The following REEP1 variants were observed in gnomAD, a reference collection of about 807,000 sequenced individuals.
REEP1 encodes receptor accessory protein 1, also known as receptor expression-enhancing protein 1.
In REEP1, 22 loss-of-function variants were observed where a neutral mutation model predicts 40.3. That is an observed-to-expected ratio of 0.55 (90% CI 0.39 to 0.78). REEP1 has a LOEUF of 0.78. Ranked by LOEUF, REEP1 falls within the 30% of genes least tolerant of loss-of-function variation. The pLI is 0.00. For missense variants in REEP1, 280 were observed against 361.1 expected (o/e 0.78, Z 1.82); for synonymous variants, 116 against 139.2 (o/e 0.83, Z 1.17).
intron 5 of REEP1, among the ~76,000 whole-genome samples, chr2:86,245,890 G>T (rs544435202): frequency 9.3e-5 from 14 of 151,058 alleles, no homozygotes; most frequent in Non-Finnish European, 1.3e-4. Flanking sequence ...TCAGCCTCCC[G>T]AGTAGCTGGG....
intron 7 of REEP1, among the ~76,000 whole-genome samples, chr2:86,226,075 T>TCATCACCACCACCACCAC (rs1674665387): frequency 5.4e-5 from 6 of 111,792 alleles, no homozygotes; most frequent in African/African-American, 1.9e-4. Context: ...CTCCAGGCTA[T>TCATCACCACCACCACCAC]CACCACCACC....
intron 5 of REEP1, among the ~76,000 whole-genome samples, chr2:86,236,314 C>G (rs1043678019): frequency 3.3e-5 from 5 of 152,160 alleles, no homozygotes; most frequent in Admixed American, 6.5e-5. Context: ...TTTCCACAAA[C>G]CCCATTCCAC....
At chr2:86,217,666 ATTT>A (rs10668934) in intron 8 of REEP1, among the ~76,000 whole-genome samples, 51,638 of 112,864 alleles carry the variant, frequency 0.46, 11,804 homozygotes, top group Non-Finnish European at 0.61. Flanking sequence ...GGGATTTCAG[ATTT>A]TTTTTTTTTT....
chr2:86,266,139 A>G (rs1287645682), intron 2 of REEP1, among the ~76,000 whole-genome samples: 3 of 152,262 alleles, frequency 2.0e-5, no homozygotes, highest in Non-Finnish European at 2.9e-5. Flanking sequence ...AAAGGTATCA[A>G]TACGTTTTGA....
intron 5 of REEP1, among the ~76,000 whole-genome samples, chr2:86,249,078 GCAAAAC>G (rs1406333283): frequency 6.6e-6 from 1 of 152,064 alleles, no homozygotes; most frequent in Non-Finnish European, 1.5e-5. Context: ...GGCCAACATG[GCAAAAC>G]CCAGTCTCTA....
At chr2:86,252,669 A>T (rs1186290237) in intron 4 of REEP1, among the ~76,000 whole-genome samples, 1 of 152,200 alleles carries the variant, frequency 6.6e-6, no homozygotes, top group Admixed American at 6.5e-5. Context: ...GCAGTTCTAA[A>T]ATTCTGTTAT....
At chr2:86,248,730 G>GT (rs1440906357) in intron 5 of REEP1, among the ~76,000 whole-genome samples, 2 of 152,124 alleles carry the variant, frequency 1.3e-5, no homozygotes, top group African/African-American at 4.8e-5. Context: ...GATTATAGGT[G>GT]TGAGCCACCA....
chr2:86,263,759 T>G (rs1574052465), intron 3 of REEP1, among the ~76,000 whole-genome samples: 1 of 152,216 alleles, frequency 6.6e-6, no homozygotes, highest in East Asian at 1.9e-4. Context: ...GAATAATAAC[T>G]GCTCTTTATA....
At chr2:86,319,677 A>G (rs988714669) in intron 1 of REEP1, among the ~76,000 whole-genome samples, 2 of 152,208 alleles carry the variant, frequency 1.3e-5, no homozygotes, top group Non-Finnish European at 2.9e-5. Flanking sequence ...CCTGGGCGAC[A>G]GAGTGAGACT....
intron 2 of REEP1, among the ~76,000 whole-genome samples, chr2:86,280,429 T>A (rs1678011839): frequency 6.6e-6 from 1 of 152,316 alleles, no homozygotes; most frequent in Middle Eastern, 3.4e-3. Flanking sequence ...GGGTTTGATC[T>A]CTCTCAGAAG....
intron 2 of REEP1, among the ~76,000 whole-genome samples, chr2:86,274,695 T>A (rs1039011489): frequency 2.0e-5 from 3 of 152,114 alleles, no homozygotes; most frequent in Non-Finnish European, 2.9e-5. Flanking sequence ...TCAGTCAGAA[T>A]AGAGAGAGGG....
intron 2 of REEP1, chr2:86,280,013 C>G: frequency 2.2e-6 from 1 of 456,214 alleles, no homozygotes; most frequent in South Asian, 1.5e-5. Context: ...CAGAGAAGGA[C>G]GACAGACCTG....
intron 4 of REEP1, among the ~76,000 whole-genome samples, chr2:86,254,394 T>G (rs932550602): frequency 2.0e-5 from 3 of 152,188 alleles, no homozygotes; most frequent in Admixed American, 1.3e-4. Flanking sequence ...GGGCTAAGCA[T>G]GACAAAAGGA....
intron 4 of REEP1, 84 bp from the exon 5 acceptor site, chr2:86,252,154 T>C: frequency 9.8e-7 from 1 of 1,022,040 alleles, no homozygotes; most frequent in African/African-American, 1.6e-5. Flanking sequence ...AGCATTGGGC[T>C]TGGCAGCTTG....
chr2:86,282,059 T>C, intron 2 of REEP1, 111 bp downstream of exon 2: 1 of 776,770 alleles, frequency 1.3e-6, no homozygotes, highest in Non-Finnish European at 2.3e-6. Flanking sequence ...ATGAAGGAAC[T>C]CCTTTTCCCT....
At chr2:86,335,150 A>C (rs188648282) in intron 1 of REEP1, among the ~76,000 whole-genome samples, 1 of 152,332 alleles carries the variant, frequency 6.6e-6, no homozygotes, top group East Asian at 1.9e-4. Flanking sequence ...TTCTTGAAGA[A>C]TATGCCCTCC....
chr2:86,219,942 C>T (rs1674329422), intron 8 of REEP1, 28 bp downstream of exon 8: 4 of 1,231,914 alleles, frequency 3.2e-6, no homozygotes, highest in Non-Finnish European at 4.0e-6. Flanking sequence ...CAAACACACT[C>T]CAACCCACAG....
intron 7 of REEP1, among the ~76,000 whole-genome samples, chr2:86,220,595 T>C (rs1674362852): frequency 1.3e-5 from 2 of 152,196 alleles, no homozygotes; most frequent in Non-Finnish European, 2.9e-5. Context: ...CATGTTGACA[T>C]TGTATATTAT....
Position 86,254,679 on chromosome 2 carries a change from G to T in REEP1, c.303+15C>A. On this transcript the variant is annotated intron_variant, in intron 4 of 8. Transcript: ENST00000538924. ...ACTTGCTAGAAAGAATGAAAGACAT[G>T]GCAGCATATATTACCTTTTCTTTTG... 1 of 1,611,300 alleles carries T rather than the reference G, an allele frequency of 6.2e-7. No homozygotes were observed. The highest frequency in any genetic ancestry group is 8.5e-7 in the Non-Finnish European group (1 of 1,177,536).
Sources: gnomAD v4.1 joint callset for allele counts (sites outside exome capture counted in the v4.1 genomes callset) on GRCh38, gnomAD v4.1.1 for gene constraint, MANE v1.5 for transcripts, NCBI Gene and HGNC (gene_info 2026-07-23, HGNC 2026-07-21) for gene names.